Variants in ADAM28 observed in about 807,000 individuals in gnomAD.
ADAM28 encodes disintegrin and metalloproteinase domain-containing protein 28.
Under a neutral mutation model 101.2 loss-of-function variants are expected in ADAM28, and 105 were observed. The ratio of observed to expected loss-of-function variants is 1.04; its 90% CI spans 0.89 to 1.22. The LOEUF is 1.22. Ranked by LOEUF, ADAM28 falls within the 50% of genes most tolerant of loss-of-function variation. ADAM28 has a pLI of 0.00. For synonymous variants in ADAM28, 322 were observed against 310.6 expected (o/e 1.04, Z -0.39); for missense variants, 1,028 against 945.4 (o/e 1.09, Z -1.15).
Position 24,299,867 on chromosome 8 carries a change from GCT to G in ADAM28, c.47-106_47-105del, listed in dbSNP as rs2129234562. On this transcript the variant is annotated intron_variant, in intron 1 of 22. Transcript: ENST00000265769. ...ATCACTCTGACATTCATCACTTCAGGCTTCTGTGTGTGGCATCGTTCATTGGG... is the reference window on the plus strand; with the variant it reads ...ATCACTCTGACATTCATCACTTCAGGTCTGTGTGTGGCATCGTTCATTGGG... 7.9e-6 allele frequency: 6 copies of G among 757,798 alleles called. No individual in the cohort carries two copies. In the South Asian group the frequency reaches 1.0e-4, roughly 13 times the overall value. 46.9% of individuals were successfully genotyped at this position (757,798 alleles called of 1,614,324 possible).
intron 18 of ADAM28, among the ~76,000 whole-genome samples, chr8:24,343,945 G>C (rs1563322459): frequency 6.6e-6 from 1 of 152,080 alleles, no homozygotes; most frequent in African/African-American, 2.4e-5. Context: ...TGTATGTTCA[G>C]TTCTATTCTT....
Position 24,358,040 on chromosome 8 carries a change from A to G in ADAM28, c.*3636A>G, listed in dbSNP as rs1816792425. ...TTGTTTCTCTTGTTTACTTAATAACATTCTCTTCTTTCCTATCAGTTTAAT... is the reference window on the plus strand; with the variant it reads ...TTGTTTCTCTTGTTTACTTAATAACGTTCTCTTCTTTCCTATCAGTTTAAT... On this transcript the variant is annotated 3_prime_UTR_variant, in exon 23 of 23. Coordinates refer to ENST00000265769, the MANE Select transcript of ADAM28 (RefSeq NM_014265.6). 1.3e-5 allele frequency: 2 copies of G among 152,178 alleles called. No homozygotes were observed. The highest frequency in any genetic ancestry group is 1.5e-5 in the Non-Finnish European group (1 of 68,030). The allele number at this position is 152,178 out of a possible 1,614,324, so 9.4% of individuals were successfully genotyped here.
intron 16 of ADAM28, 38 bp downstream of exon 16, chr8:24,341,795 T>C: frequency 6.2e-7 from 1 of 1,612,640 alleles, no homozygotes; most frequent in Non-Finnish European, 8.5e-7. Flanking sequence ...AAATAGTGTT[T>C]TTTACTTTGG....
intron 19 of ADAM28, 34 bp downstream of exon 19, chr8:24,350,006 T>C (rs772657621): frequency 6.3e-7 from 1 of 1,584,174 alleles, no homozygotes; most frequent in South Asian, 1.1e-5. Context: ...GTAGGGACTC[T>C]TTGACCCCTA....
chr8:24,317,829 G>A (rs74499185), intron 6 of ADAM28, among the ~76,000 whole-genome samples: 7,276 of 152,028 alleles, frequency 0.048, 247 homozygotes, highest in East Asian at 0.092. Flanking sequence ...GACAGGAAAT[G>A]GGGAGATTCG....
In ADAM28 at chr8:24,326,574, C is replaced by T. The variant is rs377655974; in HGVS notation, c.911C>T (p.Thr304Met). ...TGCAGAGCAACAGAACTTGCTGGAA[C>T]GACTGTGGGTCTTGCATTTATGTCT... ...QLITATELAG[T>M]TVGLAFMSTM... The change falls in exon 10 of 23, where the codon ACG becomes ATG. Residue 304 changes from threonine to methionine, a missense_variant. Coordinates refer to ENST00000265769, the MANE Select transcript of ADAM28 (RefSeq NM_014265.6). 70 of 1,611,772 alleles carry T rather than the reference C, an allele frequency of 4.3e-5. No homozygotes were observed. The highest frequency in any genetic ancestry group is 5.3e-5 in the Non-Finnish European group (63 of 1,178,628).
At chr8:24,332,205 G>T (rs1023802609) in intron 12 of ADAM28, among the ~76,000 whole-genome samples, 1 of 152,134 alleles carries the variant, frequency 6.6e-6, no homozygotes, top group African/African-American at 2.4e-5. Context: ...CTAAGACAAA[G>T]TATTTGCTTC....
intron 18 of ADAM28, among the ~76,000 whole-genome samples, chr8:24,348,136 T>C (rs1815635672): frequency 6.6e-6 from 1 of 152,200 alleles, no homozygotes; most frequent in African/African-American, 2.4e-5. Flanking sequence ...TTATTGATTT[T>C]ATTATTTTAT....
intron 1 of ADAM28, among the ~76,000 whole-genome samples, chr8:24,298,430 G>GT (rs1808271832): frequency 6.6e-6 from 1 of 152,052 alleles, no homozygotes; most frequent in African/African-American, 2.4e-5. Flanking sequence ...AAAAAACGCT[G>GT]TTTTTTGAAA....
intron 6 of ADAM28, among the ~76,000 whole-genome samples, chr8:24,318,765 C>T (rs17051848): frequency 0.035 from 5,270 of 151,924 alleles, 111 homozygotes; most frequent in East Asian, 0.092. Flanking sequence ...CAAGTGCCTC[C>T]GACATATTTC....
chr8:24,348,747 C>T (rs975012385), intron 18 of ADAM28, among the ~76,000 whole-genome samples: 5 of 152,140 alleles, frequency 3.3e-5, no homozygotes, highest in African/African-American at 4.8e-5. Flanking sequence ...GCAAACCTTC[C>T]GTTGTTATAC....
intron 14 of ADAM28, 61 bp downstream of exon 14, chr8:24,335,702 GT>G: frequency 6.8e-7 from 1 of 1,467,672 alleles, no homozygotes; most frequent in Middle Eastern, 1.8e-4. Context: ...AGATGACAGT[GT>G]TTAACCATGG....
At chr8:24,297,168 TG>T (rs386419918) in intron 1 of ADAM28, among the ~76,000 whole-genome samples, 1,869 of 129,646 alleles carry the variant, frequency 0.014, 27 homozygotes, top group African/African-American at 0.046. Context: ...GGTTTTTTTT[TG>T]TTGTTGTTGT....
In ADAM28 at chr8:24,356,644, CACTT is replaced by C. The variant is rs1180890965; in HGVS notation, c.*2246_*2249del. The C allele has an allele frequency of 6.6e-6, 1 of 152,174 alleles. No homozygotes were observed. The highest frequency in any genetic ancestry group is 1.9e-4 in the East Asian group (1 of 5,188). 9.4% of individuals were successfully genotyped at this position (152,174 alleles called of 1,614,324 possible). ...TTTTGATTTCACAATACTGTTTCCA[CACTT>C]ACTTATATCCGTAACTTTCTAACTT... On this transcript the variant is annotated 3_prime_UTR_variant, in exon 23 of 23. Coordinates refer to ENST00000265769, the MANE Select transcript of ADAM28 (RefSeq NM_014265.6).
Position 24,351,293 on chromosome 8 carries a change from G to C in ADAM28, c.2161G>C (p.Ala721Pro), listed in dbSNP as rs141262150. 1.2e-6 allele frequency: 2 copies of C among 1,613,312 alleles called. No individual in the cohort carries two copies. Among genetic ancestry groups the C allele is most frequent in the East Asian group, 2.2e-5 (1 of 44,818 alleles). The stretch of plus-strand genomic sequence containing the variant: ...GAAGAGGAAACCCCAGATGGTAAAG[G>C]CTGTTCAACCCCAAGAGGTGAACTA... ...KQKRKPQMVKAVQPQEMSQMK... is the reference protein window; with the variant it reads ...KQKRKPQMVKPVQPQEMSQMK... The change falls in exon 20 of 23, where the codon GCT (alanine) becomes CCT (proline). Residue 721 changes from alanine to proline, a missense_variant. Coordinates refer to ENST00000265769, the MANE Select transcript of ADAM28 (RefSeq NM_014265.6).
At chr8:24,310,377 A>ATTG in intron 4 of ADAM28, 136 bp downstream of exon 4, 1 of 716,474 alleles carries the variant, frequency 1.4e-6, no homozygotes, top group East Asian at 2.9e-5. Flanking sequence ...CCATTACTTA[A>ATTG]AATATAAAAA....
At chr8:24,353,646 TTGGG>T in intron 21 of ADAM28, 120 bp from the exon 22 acceptor site, 2 of 718,082 alleles carry the variant, frequency 2.8e-6, no homozygotes, top group Non-Finnish European at 4.7e-6. Flanking sequence ...ACCTTGAAAG[TTGGG>T]TAGAATTTAA....
rs564775925 is a variant in ADAM28, at chr8:24,335,828, A to G, written c.1567+187A>G. On this transcript the variant is annotated intron_variant, in intron 14 of 22. Coordinates refer to ENST00000265769, the MANE Select transcript of ADAM28 (RefSeq NM_014265.6). ...CTAGATTTAGCAAGTAAAAATAAGGATGGCCCCGTTAAATTTTAACTTAAA... is the reference window on the plus strand; with the variant it reads ...CTAGATTTAGCAAGTAAAAATAAGGGTGGCCCCGTTAAATTTTAACTTAAA... 794 of 1,261,822 alleles carry G rather than the reference A, an allele frequency of 6.3e-4. 1 individual carries two copies. The highest frequency in any genetic ancestry group is 7.6e-4 in the Non-Finnish European group (755 of 999,856). The allele number at this position is 1,261,822 out of a possible 1,614,324, so 78.2% of individuals were successfully genotyped here.
intron 2 of ADAM28, among the ~76,000 whole-genome samples, chr8:24,302,926 C>T (rs1306640247): frequency 8.2e-6 from 1 of 122,402 alleles, no homozygotes; most frequent in Non-Finnish European, 1.7e-5. Context: ...CCCCTCCCCC[C>T]TCCCCACAAC....
Sources: gnomAD v4.1 joint callset for allele counts (sites outside exome capture counted in the v4.1 genomes callset) on GRCh38, gnomAD v4.1.1 for gene constraint, MANE v1.5 for transcripts, NCBI Gene and HGNC (gene_info 2026-07-23, HGNC 2026-07-21) for gene names.